The following LNX2 variants were observed in gnomAD, a reference collection of about 807,000 sequenced individuals.
The protein encoded by LNX2 is ligand of numb-protein X 2.
A neutral mutation model predicts 66.2 loss-of-function variants in LNX2; 35 were observed. The observed-to-expected ratio is 0.53, with a 90% CI of 0.40 to 0.70. The LOEUF (loss-of-function observed/expected upper bound fraction) is 0.70, where lower values mean the gene tolerates loss of function less well. Ranked by LOEUF, LNX2 falls within the 30% of genes least tolerant of loss-of-function variation. The pLI is 0.00. For synonymous variants in LNX2, 337 were observed against 315.6 expected (o/e 1.07, Z -0.72); for missense variants, 791 against 850.8 (o/e 0.93, Z 0.87).
At chr13:27,577,919 A>G (rs557892448) in intron 2 of LNX2, among the ~76,000 whole-genome samples, 17 of 152,344 alleles carry the variant, frequency 1.1e-4, no homozygotes, top group African/African-American at 3.8e-4. Flanking sequence ...TCAAAGAAAC[A>G]ATCAAAATGT....
At chr13:27,557,449 T>C (rs1451825533) in intron 6 of LNX2, among the ~76,000 whole-genome samples, 2 of 152,074 alleles carry the variant, frequency 1.3e-5, no homozygotes, top group Admixed American at 1.3e-4. Context: ...CATGTACATA[T>C]TGTATATATG....
At chr13:27,568,339 T>C (rs1955231691) in intron 3 of LNX2, among the ~76,000 whole-genome samples, 1 of 152,124 alleles carries the variant, frequency 6.6e-6, no homozygotes, top group African/African-American at 2.4e-5. Flanking sequence ...GTAGTAGAGC[T>C]TGGAAAAAGA....
intron 1 of LNX2, among the ~76,000 whole-genome samples, chr13:27,589,154 T>A (rs772094972): frequency 1.3e-5 from 2 of 152,188 alleles, no homozygotes; most frequent in African/African-American, 2.4e-5. Flanking sequence ...AAACTAAAAA[T>A]GGAAAAATGC....
intron 1 of LNX2, among the ~76,000 whole-genome samples, chr13:27,600,469 T>C (rs1955644900): frequency 6.6e-6 from 1 of 152,064 alleles, no homozygotes. Flanking sequence ...AAAATATATA[T>C]GGTACAGAAA....
At chr13:27,599,558 T>C (rs1175982696) in intron 1 of LNX2, among the ~76,000 whole-genome samples, 2 of 152,208 alleles carry the variant, frequency 1.3e-5, no homozygotes, top group African/African-American at 2.4e-5. Context: ...ACAGACAATA[T>C]ACTTATGTTC....
chr13:27,612,287 G>A (rs1021847858), intron 1 of LNX2, among the ~76,000 whole-genome samples: 1 of 152,158 alleles, frequency 6.6e-6, no homozygotes, highest in Non-Finnish European at 1.5e-5. Context: ...CTACCTCCCT[G>A]GCCTCAGCCC....
chr13:27,588,236 T>C (rs1027111852), intron 1 of LNX2, among the ~76,000 whole-genome samples: 5 of 152,198 alleles, frequency 3.3e-5, no homozygotes, highest in African/African-American at 4.8e-5. Flanking sequence ...TAGCAACTTT[T>C]ATTTGTAGTA....
At chr13:27,578,743 G>A (rs974677455) in intron 2 of LNX2, among the ~76,000 whole-genome samples, 1 of 152,198 alleles carries the variant, frequency 6.6e-6, no homozygotes, top group Non-Finnish European at 1.5e-5. Flanking sequence ...CAAGGTGTCA[G>A]AAATGTGAAT....
Position 27,553,328 on chromosome 13 carries a change from A to T in LNX2, c.1658T>A (p.Leu553His). 1.2e-6 allele frequency: 2 copies of T among 1,614,182 alleles called. No homozygotes were observed. Among genetic ancestry groups the T allele is most frequent in the Non-Finnish European group, 1.7e-6 (2 of 1,180,030 alleles). Residue 553 changes from leucine (L) to histidine (H), a missense_variant, in exon 8 of 10, where the codon CTT (leucine) becomes CAT (histidine). Transcript: ENST00000316334. ...CGCCTCCTCAACAATCTGGACCTCA[A>T]GTGCTTTAAGGGCAACAGCAGGGGA... The part of the protein sequence containing the change: ...AASPAVALKA[L>H]EVQIVEEATQ...
At chr13:27,601,068 A>C (rs1207134369) in intron 1 of LNX2, among the ~76,000 whole-genome samples, 1 of 152,202 alleles carries the variant, frequency 6.6e-6, no homozygotes, top group African/African-American at 2.4e-5. Flanking sequence ...TTCATAGCTC[A>C]ATTTATTCAC....
chr13:27,567,456 A>G (rs1955220161), intron 4 of LNX2, among the ~76,000 whole-genome samples, 184 bp downstream of exon 4: 1 of 152,152 alleles, frequency 6.6e-6, no homozygotes, highest in Admixed American at 6.5e-5. Context: ...AGATAGGAAG[A>G]AAAAATACTC....
intron 8 of LNX2, among the ~76,000 whole-genome samples, chr13:27,552,383 T>C (rs1329347272): frequency 6.6e-6 from 1 of 152,252 alleles, no homozygotes; most frequent in Non-Finnish European, 1.5e-5. Flanking sequence ...TGCTAGTTGT[T>C]GTTATAAATG....
chr13:27,557,882 A>G (rs1955082747), intron 6 of LNX2, among the ~76,000 whole-genome samples: 1 of 152,070 alleles, frequency 6.6e-6, no homozygotes, highest in Non-Finnish European at 1.5e-5. Context: ...AATTAGACAA[A>G]CACAACTTTA....
rs561612111 is a variant in LNX2, at chr13:27,592,718, G to C, written c.-100-10915C>G. On this transcript the variant is annotated intron_variant, in intron 1 of 9. Transcript: ENST00000316334. ...TTGGCACCTTTCTGGGGGACGAAGA[G>C]GACCAGGCAGAGGAGGAGTGTCCAC... Among the ~76,000 whole-genome samples the C allele has an allele frequency of 6.6e-5, 10 of 152,312 alleles. No individual in the cohort carries two copies. In the South Asian group the frequency reaches 1.7e-3, roughly 25 times the overall value.
At chr13:27,579,908 A>T (rs1458387793) in intron 2 of LNX2, among the ~76,000 whole-genome samples, 1 of 152,152 alleles carries the variant, frequency 6.6e-6, no homozygotes, top group African/African-American at 2.4e-5. Flanking sequence ...CAGAAGATAT[A>T]AAAAAATGCA....
At position 27,569,108 on chromosome 13, in the gene LNX2, C is replaced by G; in HGVS notation, c.576G>C (p.Leu192Phe). Residue 192 changes from leucine to phenylalanine, a missense_variant, in exon 3 of 10, where the codon TTG becomes TTC. Coordinates refer to ENST00000316334, the MANE Select transcript of LNX2 (RefSeq NM_153371.4). ...TCCATGTGGAAAGAGACGCTGATGTCAAGTGCCGCTCCACAGGCACTGCGC... is the reference window on the plus strand; with the variant it reads ...TCCATGTGGAAAGAGACGCTGATGTGAAGTGCCGCTCCACAGGCACTGCGC... ...GTGAVPVERH[L>F]TSASLSTWSE... The G allele has an allele frequency of 1.2e-6, 2 of 1,613,284 alleles. No homozygotes were observed. Among genetic ancestry groups the G allele is most frequent in the South Asian group, 1.1e-5 (1 of 90,958 alleles).
At chr13:27,597,186 T>A (rs953515272) in intron 1 of LNX2, among the ~76,000 whole-genome samples, 3 of 152,208 alleles carry the variant, frequency 2.0e-5, no homozygotes, top group African/African-American at 4.8e-5. Flanking sequence ...ATCTTCCTAA[T>A]TTCACAATAA....
At chr13:27,576,840 G>A (rs901349198) in intron 2 of LNX2, among the ~76,000 whole-genome samples, 3 of 152,142 alleles carry the variant, frequency 2.0e-5, no homozygotes, top group Non-Finnish European at 4.4e-5. Flanking sequence ...TTATAAGAGA[G>A]AAAACTAGAA....
chr13:27,587,044 T>G (rs541551170), intron 1 of LNX2, among the ~76,000 whole-genome samples: 1 of 152,306 alleles, frequency 6.6e-6, no homozygotes, highest in South Asian at 2.1e-4. Context: ...AGTTCATTTC[T>G]CTCGATGTTA....
Sources: gnomAD v4.1 joint callset for allele counts (sites outside exome capture counted in the v4.1 genomes callset) on GRCh38, gnomAD v4.1.1 for gene constraint, MANE v1.5 for transcripts, NCBI Gene and HGNC (gene_info 2026-07-23, HGNC 2026-07-21) for gene names.